The following PLD5 variants were observed in gnomAD, a reference collection of about 807,000 sequenced individuals.
PLD5 encodes inactive phospholipase D5.
In PLD5, 36 loss-of-function variants were observed where a neutral mutation model predicts 61.1. The ratio of observed to expected loss-of-function variants is 0.59; its 90% confidence interval spans 0.45 to 0.78. The LOEUF is 0.78. PLD5 is among the 30% of genes least tolerant of loss of function. The pLI, the probability that PLD5 is intolerant of heterozygous loss-of-function variation, is 0.00. For missense variants in PLD5, 515 were observed against 644.4 expected (o/e 0.80, Z 2.17); for synonymous variants, 243 against 242.8 (o/e 1.00, Z -0.01).
At chr1:242,170,920 T>C (rs1008774956) in intron 5 of PLD5, among the ~76,000 whole-genome samples, 1 of 152,172 alleles carries the variant, frequency 6.6e-6, no homozygotes, top group African/African-American at 2.4e-5. Context: ...ACTTGATTGG[T>C]GTACCTGAAA....
chr1:242,162,152 T>C (rs1010797514), intron 5 of PLD5, among the ~76,000 whole-genome samples: 2 of 152,192 alleles, frequency 1.3e-5, no homozygotes. Flanking sequence ...CTTTAAATCT[T>C]ACACAAAATG....
At chr1:242,267,513 C>G (rs529945226) in intron 3 of PLD5, among the ~76,000 whole-genome samples, 3 of 152,268 alleles carry the variant, frequency 2.0e-5, no homozygotes, top group Non-Finnish European at 4.4e-5. Context: ...ACTCCAAAAG[C>G]CTGGAGGAAG....
intron 7 of PLD5, among the ~76,000 whole-genome samples, chr1:242,109,616 C>A (rs1198192574): frequency 3.9e-5 from 6 of 152,246 alleles, no homozygotes; most frequent in Admixed American, 3.9e-4. Context: ...CACCACCTTA[C>A]CTTGAGCTCT....
chr1:242,378,249 A>C (rs1421374239), intron 1 of PLD5, among the ~76,000 whole-genome samples: 1 of 152,250 alleles, frequency 6.6e-6, no homozygotes, highest in Admixed American at 6.5e-5. Context: ...TAAGTGAAAT[A>C]ATCCTGACAC....
chr1:242,188,383 T>C (rs1034827953), intron 5 of PLD5, among the ~76,000 whole-genome samples: 5 of 152,132 alleles, frequency 3.3e-5, no homozygotes, highest in African/African-American at 1.2e-4. Context: ...AGGTAGAAGT[T>C]TGTGTCTGCA....
In PLD5 at chr1:242,386,680, A is replaced by G. The variant is rs76545430; in HGVS notation, c.190-38438T>C. The stretch of plus-strand genomic sequence containing the variant: ...AGAACTTCTCTAGAACAGGCTAAAA[A>G]AACAGATCAATAAGTAACAATACAT... On this transcript the variant is annotated intron_variant, in intron 1 of 9. Transcript: ENST00000536534. Among the ~76,000 whole-genome samples the G allele has an allele frequency of 1.3e-3, 191 of 152,330 alleles. 1 individual carries two copies. In the East Asian group the frequency reaches 0.02, roughly 16 times the overall value.
intron 5 of PLD5, among the ~76,000 whole-genome samples, chr1:242,199,350 G>A (rs2148951888): frequency 6.6e-6 from 1 of 152,132 alleles, no homozygotes; most frequent in East Asian, 1.9e-4. Flanking sequence ...TGCCTCCCAG[G>A]TTCAAGTGAT....
intron 2 of PLD5, among the ~76,000 whole-genome samples, chr1:242,327,821 G>T (rs894262875): frequency 1.3e-5 from 2 of 152,186 alleles, no homozygotes; most frequent in Non-Finnish European, 2.9e-5. Flanking sequence ...ACCAGGCACA[G>T]TGGCTTATGC....
chr1:242,213,287 T>C lies in PLD5; in HGVS notation c.735+6701A>G, dbSNP rs542799405. On this transcript the variant is annotated intron_variant, in intron 5 of 9. Transcript: ENST00000536534. ...CAAGGAATGCTAAACAGTCCTACCA[T>C]GTGTCAGTATCATGTAAATCAAGCT... 2.9e-3 allele frequency among the ~76,000 whole-genome samples: 445 copies of C among 152,320 alleles called. 2 individuals carry two copies. Among genetic ancestry groups the C allele is most frequent in the African/African-American group, 0.01 (422 of 41,570 alleles).
At chr1:242,198,375 C>T (rs1668774107) in intron 5 of PLD5, among the ~76,000 whole-genome samples, 2 of 152,156 alleles carry the variant, frequency 1.3e-5, no homozygotes, top group Non-Finnish European at 1.5e-5. Flanking sequence ...AGTCCTGAAA[C>T]TCTTGCAGAA....
chr1:242,181,694 C>A (rs927796260), intron 5 of PLD5, among the ~76,000 whole-genome samples: 1 of 151,884 alleles, frequency 6.6e-6, no homozygotes, highest in Admixed American at 6.6e-5. Context: ...GACAGAGTCT[C>A]ACTCTGTCAC....
At chr1:242,525,289 C>A (rs1273096099), upstream of PLD5, among the ~76,000 whole-genome samples, 1 of 152,170 alleles carries the variant, frequency 6.6e-6, no homozygotes, top group Non-Finnish European at 1.5e-5. Flanking sequence ...CCCCAGCCCT[C>A]GGTGTCCACC....
At chr1:242,187,493 T>G (rs1667982837) in intron 5 of PLD5, among the ~76,000 whole-genome samples, 1 of 152,230 alleles carries the variant, frequency 6.6e-6, no homozygotes, top group Non-Finnish European at 1.5e-5. Context: ...ATATGCACTA[T>G]GAATATGCAT....
intron 4 of PLD5, among the ~76,000 whole-genome samples, chr1:242,254,068 C>T (rs565359966): frequency 1.4e-3 from 206 of 152,214 alleles, no homozygotes; most frequent in Non-Finnish European, 2.6e-3. Context: ...TTCCCAAAGA[C>T]GATCTGTAAT....
At chr1:242,195,252 G>C (rs1211682233) in intron 5 of PLD5, among the ~76,000 whole-genome samples, 2 of 152,196 alleles carry the variant, frequency 1.3e-5, no homozygotes, top group Non-Finnish European at 2.9e-5. Context: ...GTCCTGGAGA[G>C]TTCCGCATCT....
At chr1:242,234,709 G>A (rs1186109698) in intron 4 of PLD5, among the ~76,000 whole-genome samples, 1 of 152,078 alleles carries the variant, frequency 6.6e-6, no homozygotes, top group Non-Finnish European at 1.5e-5. Context: ...CACCTCCCTG[G>A]ACGTGTGGGC....
intron 1 of PLD5, among the ~76,000 whole-genome samples, chr1:242,377,623 T>C (rs1240520393): frequency 6.6e-6 from 1 of 152,080 alleles, no homozygotes; most frequent in Non-Finnish European, 1.5e-5. Flanking sequence ...CCCAAACATG[T>C]ACAGCTCATG....
chr1:242,410,957 GA>G (rs11389251), intron 1 of PLD5, among the ~76,000 whole-genome samples: 3 of 146,572 alleles, frequency 2.0e-5, no homozygotes, highest in Admixed American at 1.4e-4. Context: ...ACCAATAATC[GA>G]AAAAAAAAAG....
chr1:242,506,908 A>G (rs1668740950), intron 1 of PLD5, among the ~76,000 whole-genome samples: 1 of 152,202 alleles, frequency 6.6e-6, no homozygotes, highest in Admixed American at 6.5e-5. Context: ...GCAAGTGACT[A>G]TGAGAGCAAT....
Sources: gnomAD v4.1 joint callset for allele counts (sites outside exome capture counted in the v4.1 genomes callset) on GRCh38, gnomAD v4.1.1 for gene constraint, MANE v1.5 for transcripts, NCBI Gene and HGNC (gene_info 2026-07-23, HGNC 2026-07-21) for gene names.